ATF1: variants seen among roughly 807,000 people sequenced by gnomAD.
ATF1 encodes the protein cyclic AMP-dependent transcription factor ATF-1.
Under a neutral mutation model 34.7 loss-of-function variants are expected in ATF1, and 16 were observed. The ratio of observed to expected loss-of-function variants is 0.46; its 90% CI spans 0.31 to 0.70. The LOEUF is 0.70. Ranked by LOEUF, ATF1 falls within the 30% of genes least tolerant of loss-of-function variation. The probability of loss-of-function intolerance (pLI) is 0.05; values close to 1 mark genes in which losing one functional copy is unlikely to be tolerated. For synonymous variants in ATF1, 105 were observed against 113.1 expected (o/e 0.93, Z 0.46); for missense variants, 255 against 321.6 (o/e 0.79, Z 1.58).
chr12:50,819,602 T>C, intron 6 of ATF1, 33 bp from the exon 7 acceptor site: 1 of 1,601,276 alleles, frequency 6.2e-7, no homozygotes, highest in Non-Finnish European at 8.5e-7. Flanking sequence ...GTGAAGTTTT[T>C]TCTAACATTG....
chr12:50,776,530 ACT>A (rs1168488552), intron 1 of ATF1, among the ~76,000 whole-genome samples: 1 of 150,676 alleles, frequency 6.6e-6, no homozygotes, highest in Non-Finnish European at 1.5e-5. Context: ...AACACTTGAG[ACT>A]CTGGTAAATG....
At chr12:50,805,786 T>C (rs1189564236) in intron 3 of ATF1, among the ~76,000 whole-genome samples, 2 of 152,114 alleles carry the variant, frequency 1.3e-5, no homozygotes, top group Non-Finnish European at 2.9e-5. Context: ...CAGGTCTTGC[T>C]CTTAAGTCAG....
chr12:50,779,829 T>C (rs1198790972), intron 1 of ATF1, among the ~76,000 whole-genome samples: 1 of 152,194 alleles, frequency 6.6e-6, no homozygotes, highest in Non-Finnish European at 1.5e-5. Flanking sequence ...GAAACTTCCC[T>C]AGACTAGAGA....
intron 1 of ATF1, among the ~76,000 whole-genome samples, chr12:50,772,805 GT>G (rs1448356492): frequency 6.6e-6 from 1 of 151,754 alleles, no homozygotes; most frequent in Non-Finnish European, 1.5e-5. Context: ...GGATGTGCAG[GT>G]TTACTGCATA....
chr12:50,771,491 C>A (rs985169242), intron 1 of ATF1, among the ~76,000 whole-genome samples: 5 of 152,082 alleles, frequency 3.3e-5, no homozygotes, highest in Admixed American at 6.6e-5. Flanking sequence ...ATGCAAGAGA[C>A]CCTCATAGGC....
intron 3 of ATF1, among the ~76,000 whole-genome samples, chr12:50,800,578 C>G (rs555583974): frequency 2.0e-5 from 3 of 152,278 alleles, no homozygotes; most frequent in Admixed American, 2.0e-4. Flanking sequence ...CACCCAAGCT[C>G]TGCCTCCTGT....
chr12:50,763,957 C>G (rs1178984603), upstream of ATF1: 1 of 152,334 alleles, frequency 6.6e-6, no homozygotes, highest in Non-Finnish European at 1.5e-5. Flanking sequence ...CGGCGCGTCA[C>G]GTGGGCAGCG....
In ATF1 at chr12:50,807,395, C is replaced by A. The variant is rs527264914; in HGVS notation, c.195-2061C>A. On this transcript the variant is annotated intron_variant, in intron 3 of 6. Coordinates refer to ENST00000262053, the MANE Select transcript of ATF1 (RefSeq NM_005171.5). ...CTCCAGCCTGGGCAACAGAGTGAGG[C>A]TCTGTCTCAAAAGAAAAGAAAAAAA... Among the ~76,000 whole-genome samples the A allele has an allele frequency of 4.6e-5, 7 of 152,064 alleles. No homozygotes were observed. In the South Asian group the frequency reaches 1.5e-3, roughly 32 times the overall value.
chr12:50,777,292 A>G lies in ATF1; in HGVS notation c.-6-2848A>G, dbSNP rs919362794. ...TAAGAAGTTGTGGAAATAGAAGACT[A>G]AAAGAAATTAGACAATAATGTGATT... is the stretch of plus-strand genomic sequence containing the variant. On this transcript the variant is annotated intron_variant, in intron 1 of 6. Coordinates refer to ENST00000262053, the MANE Select transcript of ATF1 (RefSeq NM_005171.5). Among the ~76,000 whole-genome samples the G allele has an allele frequency of 7.9e-5, 12 of 152,344 alleles. No individual in the cohort carries two copies. The East Asian group carries it at 2.1e-3, about 27-fold the overall frequency.
At chr12:50,813,895 A>G (rs1367819126) in intron 4 of ATF1, 115 bp from the exon 5 acceptor site, 2 of 953,500 alleles carry the variant, frequency 2.1e-6, no homozygotes, top group Non-Finnish European at 3.1e-6. Context: ...GCAGTTACCA[A>G]GTAGAAGTGC....
intron 2 of ATF1, among the ~76,000 whole-genome samples, chr12:50,788,848 TTAGTA>T (rs1941242952): frequency 6.6e-6 from 1 of 152,170 alleles, no homozygotes; most frequent in Non-Finnish European, 1.5e-5. Context: ...TGCGGTCTAG[TTAGTA>T]TAACTACATT....
intron 2 of ATF1, among the ~76,000 whole-genome samples, chr12:50,787,122 A>C (rs1941201900): frequency 6.6e-6 from 1 of 152,148 alleles, no homozygotes; most frequent in Non-Finnish European, 1.5e-5. Context: ...GAAGAGGTGT[A>C]CTCTCTTGTT....
chr12:50,768,555 T>G (rs1004936448), intron 1 of ATF1, among the ~76,000 whole-genome samples: 1 of 152,196 alleles, frequency 6.6e-6, no homozygotes, highest in African/African-American at 2.4e-5. Context: ...ACTTAAAAAC[T>G]GGCAAATGAA....
chr12:50,819,962 C>T lies in ATF1; in HGVS notation c.*183C>T, dbSNP rs1386752861. The stretch of plus-strand genomic sequence containing the variant: ...AAAGTGGAAAATGACCTCAAGGAAG[C>T]TACGGGCACAACTGGAAGCTTTGTA... On this transcript the variant is annotated 3_prime_UTR_variant, in exon 7 of 7. Coordinates refer to ENST00000262053, the MANE Select transcript of ATF1 (RefSeq NM_005171.5). 1 of 487,818 alleles carries T rather than the reference C, an allele frequency of 2.0e-6. No individual in the cohort carries two copies. Among genetic ancestry groups the T allele is most frequent in the Admixed American group, 4.0e-5 (1 of 25,230 alleles). The allele number at this position is 487,818 out of a possible 1,614,324, so 30.2% of individuals were successfully genotyped here. A position where few individuals can be genotyped will look rare whatever the true frequency, so the allele number is the denominator to read the frequency against.
At chr12:50,812,695 G>A (rs1941761355) in intron 4 of ATF1, among the ~76,000 whole-genome samples, 1 of 152,028 alleles carries the variant, frequency 6.6e-6, no homozygotes, top group Admixed American at 6.6e-5. Flanking sequence ...ATGTCCGTGT[G>A]CATCTATAGT....
chr12:50,771,052 C>G (rs1171203979), intron 1 of ATF1, among the ~76,000 whole-genome samples: 3 of 151,982 alleles, frequency 2.0e-5, no homozygotes, highest in Admixed American at 6.6e-5. Flanking sequence ...GTCGCCCAGG[C>G]TGGACTGCAG....
chr12:50,780,676 G>T (rs1024575801), intron 2 of ATF1, among the ~76,000 whole-genome samples: 14 of 149,520 alleles, frequency 9.4e-5, no homozygotes, highest in Non-Finnish European at 1.6e-4. Flanking sequence ...AACAAAACAA[G>T]CAAAGGCCAG....
chr12:50,787,014 G>A (rs1941198960), intron 2 of ATF1, among the ~76,000 whole-genome samples: 1 of 152,198 alleles, frequency 6.6e-6, no homozygotes, highest in African/African-American at 2.4e-5. Context: ...GAAGCTGGTA[G>A]TACACTTAAG....
intron 1 of ATF1, 105 bp downstream of exon 1, chr12:50,764,412 T>A: frequency 7.7e-6 from 1 of 130,326 alleles, no homozygotes; most frequent in Non-Finnish European, 1.6e-5. Context: ...CTGGTGGGGG[T>A]CGCGCGCGGT....
Sources: gnomAD v4.1 joint callset for allele counts (sites outside exome capture counted in the v4.1 genomes callset) on GRCh38, gnomAD v4.1.1 for gene constraint, MANE v1.5 for transcripts, NCBI Gene and HGNC (gene_info 2026-07-23, HGNC 2026-07-21) for gene names.